GNA12: variants seen among roughly 807,000 people sequenced by gnomAD.
The protein encoded by GNA12 is G protein subunit alpha 12, also known as guanine nucleotide-binding protein subunit alpha-12.
Under a neutral mutation model 26.0 loss-of-function variants are expected in GNA12, and 9 were observed. That is an observed-to-expected ratio of 0.35 (90% CI 0.21 to 0.60). The LOEUF (loss-of-function observed/expected upper bound fraction) is 0.60. GNA12 is among the 20% of genes least tolerant of loss of function. The pLI is 0.78. For synonymous variants in GNA12, 264 were observed against 219.6 expected, an observed-to-expected ratio of 1.20 and a Z score of -1.79; for missense variants, 405 against 525.8, an observed-to-expected ratio of 0.77 and a Z score of 2.25.
chr7:2,796,971 C>G (rs995979414), intron 1 of GNA12, among the ~76,000 whole-genome samples: 1 of 152,204 alleles, frequency 6.6e-6, no homozygotes, highest in Non-Finnish European at 1.5e-5. Context: ...CTGGTATGGT[C>G]TACACTGGGG....
At chr7:2,772,540 AC>A (rs1791975196) in intron 2 of GNA12, among the ~76,000 whole-genome samples, 1 of 151,812 alleles carries the variant, frequency 6.6e-6, no homozygotes, top group African/African-American at 2.4e-5. Flanking sequence ...AGCCTGGGCA[AC>A]AGAGTGAGAC....
chr7:2,731,757 A>C lies in GNA12; in HGVS notation c.577-7T>G. The C allele has an allele frequency of 4.8e-6, 7 of 1,454,312 alleles. No individual in the cohort carries two copies. Among genetic ancestry groups the C allele is most frequent in the Non-Finnish European group, 6.5e-6 (7 of 1,081,562 alleles). The allele number at this position is 1,454,312 out of a possible 1,614,324, so 90.1% of individuals were successfully genotyped here. On this transcript the variant is annotated splice_region_variant and splice_polypyrimidine_tract_variant and intron_variant, in intron 3 of 3. Transcript: ENST00000275364. The surrounding 1 kb of genome is among the most constrained non-coding windows in gnomAD (Gnocchi z 6.0). Reference sequence around the variant, plus strand: ...GCTTACTAGGAAAGTAATTCTGTAAAATACAGGATGAGGCAGAAATTTAGG... The same window carrying C: ...GCTTACTAGGAAAGTAATTCTGTAACATACAGGATGAGGCAGAAATTTAGG...
intron 1 of GNA12, among the ~76,000 whole-genome samples, chr7:2,818,630 G>A (rs1793269676): frequency 6.6e-6 from 1 of 152,114 alleles, no homozygotes; most frequent in South Asian, 2.1e-4. Flanking sequence ...GGGCATGGTG[G>A]CGTAGCCCTG....
At chr7:2,840,925 G>C (rs1202569308) in intron 1 of GNA12, among the ~76,000 whole-genome samples, 1 of 152,124 alleles carries the variant, frequency 6.6e-6, no homozygotes, top group African/African-American at 2.4e-5. Flanking sequence ...GCGGGGGTGG[G>C]GGCTGAAGAG....
intron 1 of GNA12, chr7:2,815,051 G>C (rs1224521069): frequency 6.8e-7 from 1 of 1,478,380 alleles, no homozygotes; most frequent in Non-Finnish European, 9.0e-7. Flanking sequence ...GCCACCAAGC[G>C]CCGCCACTGT....
chr7:2,794,781 G>T (rs1792609287), intron 2 of GNA12, 147 bp downstream of exon 2: 2 of 648,284 alleles, frequency 3.1e-6, no homozygotes, highest in African/African-American at 3.6e-5. Flanking sequence ...TCCATCCCGT[G>T]TTTTGGTTGT....
At chr7:2,741,031 C>G (rs556177604) in intron 2 of GNA12, among the ~76,000 whole-genome samples, 2 of 150,690 alleles carry the variant, frequency 1.3e-5, no homozygotes, top group Non-Finnish European at 3.0e-5. Context: ...GGCGACAGAG[C>G]GAGACTCCGT....
At chr7:2,829,810 G>A (rs1002575678) in intron 1 of GNA12, among the ~76,000 whole-genome samples, 4 of 152,150 alleles carry the variant, frequency 2.6e-5, no homozygotes, top group African/African-American at 7.2e-5. Flanking sequence ...TCTCAGACGT[G>A]CTCGAGGCCA....
chr7:2,830,807 C>T (rs1175598063), intron 1 of GNA12, among the ~76,000 whole-genome samples: 2 of 152,084 alleles, frequency 1.3e-5, no homozygotes, highest in African/African-American at 2.4e-5. Context: ...TGGGCTATGG[C>T]GGTGTGCACC....
At position 2,731,198 on chromosome 7, in the gene GNA12, C is replaced by G; in HGVS notation, c.1129G>C (p.Asp377His). 1 of 1,611,536 alleles carries G rather than the reference C, an allele frequency of 6.2e-7. No individual in the cohort carries two copies. The highest frequency in any genetic ancestry group is 2.2e-5 in the East Asian group (1 of 44,846). The part of the protein sequence containing the change: ...KDTILQENLK[D>H]IMLQ Reference sequence around the variant, plus strand: ...TTCCTCGCTCACTGCAGCATGATGTCCTTCAGGTTCTCCTGCAGGATGGTG... The same window carrying G: ...TTCCTCGCTCACTGCAGCATGATGTGCTTCAGGTTCTCCTGCAGGATGGTG... The change falls in exon 4 of 4, where the codon GAC becomes CAC. Residue 377 changes from aspartate to histidine, a missense_variant. By Grantham distance (81) the Asp-to-His change is moderately conservative (BLOSUM62 -1). Transcript: ENST00000275364. This position sits in a 1 kb window ranked among gnomAD's most constrained non-coding sequence, Gnocchi z 6.0.
At chr7:2,793,449 G>C (rs754355425) in intron 2 of GNA12, among the ~76,000 whole-genome samples, 3 of 152,208 alleles carry the variant, frequency 2.0e-5, no homozygotes, top group African/African-American at 7.2e-5. Flanking sequence ...TAGTTGTATA[G>C]TGGTTAAGAT....
chr7:2,814,990 T>C (rs899468298), intron 1 of GNA12: 2 of 1,547,722 alleles, frequency 1.3e-6, no homozygotes, highest in East Asian at 2.4e-5. Context: ...AGGACGTCAC[T>C]GTATCCAGGT....
intron 2 of GNA12, among the ~76,000 whole-genome samples, chr7:2,747,175 C>T (rs1226674792): frequency 6.6e-6 from 1 of 152,182 alleles, no homozygotes; most frequent in Admixed American, 6.5e-5. Context: ...TTTTATGAGG[C>T]CAGCATCATC....
chr7:2,808,406 G>T (rs1299547914), intron 1 of GNA12, among the ~76,000 whole-genome samples: 1 of 152,260 alleles, frequency 6.6e-6, no homozygotes, highest in Non-Finnish European at 1.5e-5. Context: ...GCTGACTGTG[G>T]CCTTGGAGGC....
intron 2 of GNA12, among the ~76,000 whole-genome samples, chr7:2,781,893 G>A (rs542447398): frequency 4.1e-4 from 62 of 152,162 alleles, no homozygotes; most frequent in Non-Finnish European, 7.8e-4. Flanking sequence ...AAGACTCACA[G>A]TTCCCACTTT....
At chr7:2,796,009 T>C (rs887175412) in intron 1 of GNA12, among the ~76,000 whole-genome samples, 1 of 151,898 alleles carries the variant, frequency 6.6e-6, no homozygotes, top group African/African-American at 2.4e-5. Flanking sequence ...TAGCTGAGAT[T>C]ACAGACCACC....
At chr7:2,837,226 G>A (rs1562451946) in intron 1 of GNA12, among the ~76,000 whole-genome samples, 1 of 152,082 alleles carries the variant, frequency 6.6e-6, no homozygotes, top group African/African-American at 2.4e-5. Context: ...GGTGGGAGGG[G>A]GGAAGGCTGG....
chr7:2,809,881 T>C (rs1193121704), intron 1 of GNA12, among the ~76,000 whole-genome samples: 1 of 152,212 alleles, frequency 6.6e-6, no homozygotes, highest in African/African-American at 2.4e-5. Context: ...TATTACTTTG[T>C]AATAAATTCT....
chr7:2,783,699 T>TTTATTTATTTATTTAC (rs1296007054), intron 2 of GNA12, among the ~76,000 whole-genome samples: 1 of 140,256 alleles, frequency 7.1e-6, no homozygotes, highest in South Asian at 2.3e-4. Context: ...TATTTATTTA[T>TTTATTTATTTATTTAC]TTTGAGATGT....
Sources: allele counts gnomAD v4.1 joint callset (sites outside exome capture counted in the v4.1 genomes callset), GRCh38; gene constraint gnomAD v4.1.1; non-coding constraint Gnocchi (gnomAD v3.1); transcripts MANE v1.5; gene names NCBI Gene and HGNC (gene_info 2026-07-23, HGNC 2026-07-21).